Variants in CCDC171 observed in about 807,000 individuals in gnomAD.
The protein encoded by CCDC171 is coiled-coil domain-containing protein 171.
In CCDC171, 177 loss-of-function variants were observed where a neutral mutation model predicts 168.2. The ratio of observed to expected loss-of-function variants is 1.05; its 90% CI spans 0.93 to 1.19. The LOEUF (loss-of-function observed/expected upper bound fraction) is 1.19, where lower values mean the gene tolerates loss of function less well. CCDC171 is among the 50% of genes most tolerant of loss of function. CCDC171 has a pLI of 0.00. For missense variants in CCDC171, 1,991 were observed against 1,539.0 expected (o/e 1.29, Z -4.91); for synonymous variants, 687 against 540.8 (o/e 1.27, Z -3.75).
Position 15,779,036 on chromosome 9 carries a change from G to A in CCDC171, c.2967G>A (p.Glu989=). 1 of 1,603,136 alleles carries A rather than the reference G, an allele frequency of 6.2e-7. No individual in the cohort carries two copies. Among genetic ancestry groups the A allele is most frequent in the Non-Finnish European group, 8.5e-7 (1 of 1,175,198 alleles). Residue 989 remains glutamate (E), a synonymous_variant, in exon 20 of 26, where the codon GAG becomes GAA. Transcript: ENST00000380701. ...FTQRLHAAEV[E]RRSLRLEVTE... ...AAAGACTGCATGCTGCAGAAGTGGA[G>A]CGCCGCTCACTACGCTTAGAGGTCA...
At chr9:16,014,551 G>C (rs1229315833) in intron 3 of CCDC171, among the ~76,000 whole-genome samples, 1 of 152,124 alleles carries the variant, frequency 6.6e-6, no homozygotes, top group Non-Finnish European at 1.5e-5. Flanking sequence ...AGATCCATCA[G>C]GGGAATCACC....
chr9:15,998,554 T>C (rs1197459959), intron 3 of CCDC171, among the ~76,000 whole-genome samples: 2 of 152,174 alleles, frequency 1.3e-5, no homozygotes, highest in Non-Finnish European at 2.9e-5. Flanking sequence ...CTTTCCAGGA[T>C]AGCAGAGGAT....
intron 11 of CCDC171, among the ~76,000 whole-genome samples, chr9:15,709,111 A>G (rs932567404): frequency 6.6e-6 from 1 of 152,178 alleles, no homozygotes; most frequent in Non-Finnish European, 1.5e-5. Context: ...TTTAGAAGCT[A>G]TTTGGCATCC....
At position 15,962,709 on chromosome 9, in the gene CCDC171, T is replaced by C. The variant is rs535942361; in HGVS notation, c.3754-8900T>C. ...CTCATGATTCAAATAATTTTAAAGA[T>C]AAAAAATCATGGAAAGAAAAATTTA... On this transcript the variant is annotated intron_variant, in intron 25 of 25. Coordinates refer to ENST00000380701, the MANE Select transcript of CCDC171 (RefSeq NM_173550.4). 1.1e-4 allele frequency among the ~76,000 whole-genome samples: 16 copies of C among 152,178 alleles called. No individual in the cohort carries two copies. In the South Asian group the frequency reaches 3.3e-3, roughly 32 times the overall value.
At chr9:15,993,193 T>C (rs1832255999) in intron 3 of CCDC171, among the ~76,000 whole-genome samples, 1 of 151,614 alleles carries the variant, frequency 6.6e-6, no homozygotes, top group Non-Finnish European at 1.5e-5. Context: ...GACTTCAAAC[T>C]ATACTACATG....
chr9:15,781,798 G>T (rs2057681997), intron 20 of CCDC171, among the ~76,000 whole-genome samples: 2 of 152,134 alleles, frequency 1.3e-5, no homozygotes, highest in African/African-American at 4.8e-5. Flanking sequence ...TGTTGACCAG[G>T]TATCAGACAC....
rs116550014 is a variant in CCDC171, at chr9:15,823,635, C to T, written c.3268-23067C>T. ...AAGAACTTGACAATACGCATGAGGA[C>T]GCTGCTTTATAGAAAAGCCAAATAT... On this transcript the variant is annotated intron_variant, in intron 21 of 25. Coordinates refer to ENST00000380701, the MANE Select transcript of CCDC171 (RefSeq NM_173550.4). Among the ~76,000 whole-genome samples the T allele has an allele frequency of 3.5e-3, 538 of 152,090 alleles. 6 individuals carry two copies. Among genetic ancestry groups the T allele is most frequent in the African/African-American group, 0.012 (517 of 41,504 alleles).
intron 16 of CCDC171, among the ~76,000 whole-genome samples, chr9:15,743,008 C>T (rs986314350): frequency 6.6e-6 from 1 of 151,778 alleles, no homozygotes; most frequent in Admixed American, 6.6e-5. Context: ...TAAACTCCTG[C>T]CCTCAAGTGA....
At chr9:16,104,535 G>A in the CCDC171 span, among the ~76,000 whole-genome samples, 1 of 152,108 alleles carries the variant, frequency 6.6e-6, no homozygotes, top group African/African-American at 2.4e-5. Context: ...GCTGCTTTAA[G>A]CTACACTGGA....
intron 25 of CCDC171, among the ~76,000 whole-genome samples, chr9:15,969,423 A>G (rs962711416): frequency 1.3e-5 from 2 of 152,192 alleles, no homozygotes; most frequent in Non-Finnish European, 2.9e-5. Context: ...TATAAGTTTG[A>G]GTAAATTATG....
chr9:15,999,889 A>G (rs2132944614), intron 3 of CCDC171, among the ~76,000 whole-genome samples: 1 of 152,036 alleles, frequency 6.6e-6, no homozygotes, highest in African/African-American at 2.4e-5. Context: ...ACAAGAACTC[A>G]GGCTCTTTTC....
chr9:15,946,027 G>A (rs10962232), intron 25 of CCDC171, among the ~76,000 whole-genome samples: 48,963 of 150,710 alleles, frequency 0.32, 10,046 homozygotes, highest in East Asian at 0.64. Context: ...TATCGTTTAA[G>A]TCTTTAATCC....
At chr9:15,674,611 T>G (rs1196810646) in intron 9 of CCDC171, among the ~76,000 whole-genome samples, 1 of 152,240 alleles carries the variant, frequency 6.6e-6, no homozygotes, top group African/African-American at 2.4e-5. Flanking sequence ...CTTCATTTTG[T>G]TATTTACTGA....
intron 3 of CCDC171, among the ~76,000 whole-genome samples, chr9:15,979,346 G>A (rs1295037034): frequency 6.6e-6 from 1 of 152,152 alleles, no homozygotes; most frequent in African/African-American, 2.4e-5. Context: ...TAGCAAGAGT[G>A]AACATACTTG....
intron 25 of CCDC171, among the ~76,000 whole-genome samples, chr9:15,932,519 T>TG (rs1047094042): frequency 6.6e-6 from 1 of 151,964 alleles, no homozygotes; most frequent in African/African-American, 2.4e-5. Flanking sequence ...GTGCAGTTTT[T>TG]GGGGTTTTCT....
chr9:16,044,000 A>G (rs1285801882), intron 1 of CCDC171, among the ~76,000 whole-genome samples: 2 of 152,254 alleles, frequency 1.3e-5, no homozygotes, highest in East Asian at 1.9e-4. Context: ...AAACAGTGCC[A>G]TTCATTCTGA....
At chr9:15,710,359 G>A (rs1301650791) in intron 11 of CCDC171, among the ~76,000 whole-genome samples, 1 of 151,834 alleles carries the variant, frequency 6.6e-6, no homozygotes, top group African/African-American at 2.4e-5. Context: ...CCAGGCTGGA[G>A]TGGCGCCATC....
intron 21 of CCDC171, among the ~76,000 whole-genome samples, chr9:15,807,932 C>G (rs887975027): frequency 1.3e-5 from 2 of 151,526 alleles, no homozygotes; most frequent in African/African-American, 4.9e-5. Context: ...TCATTTCTTT[C>G]TCTTATTAGG....
At chr9:15,968,537 C>CTTTTTTTTTTTTTTTTTTTTTTTTTTTTT (rs35265243) in intron 25 of CCDC171, among the ~76,000 whole-genome samples, 1 of 88,832 alleles carries the variant, frequency 1.1e-5, no homozygotes, top group Non-Finnish European at 2.2e-5. Context: ...TTGTTGCTGG[C>CTTTTTTTTTTTTTTTTTTTTTTTTTTTTT]TTTTTTTTTT....
Sources: allele counts gnomAD v4.1 joint callset (sites outside exome capture counted in the v4.1 genomes callset), GRCh38; gene constraint gnomAD v4.1.1; transcripts MANE v1.5; gene names NCBI Gene and HGNC (gene_info 2026-07-23, HGNC 2026-07-21).